RYR3: variants seen among roughly 807,000 people sequenced by gnomAD.
RYR3 encodes the protein ryanodine receptor 3.
A neutral mutation model predicts 584.3 loss-of-function variants in RYR3; 207 were observed. The ratio of observed to expected loss-of-function variants is 0.35; its 90% CI spans 0.32 to 0.40. RYR3 has a LOEUF of 0.40. Among genes scored for constraint, RYR3 ranks in the 10% least tolerant of loss-of-function variants. The probability of loss-of-function intolerance (pLI) is 1.00; values close to 1 mark genes in which losing one functional copy is unlikely to be tolerated. For missense variants in RYR3, 5,616 were observed against 6,089.2 expected (o/e 0.92, Z 2.59); for synonymous variants, 2,416 against 2,248.5 (o/e 1.07, Z -2.11).
chr15:33,438,674 G>T (rs911036239), intron 1 of RYR3, among the ~76,000 whole-genome samples: 4 of 152,022 alleles, frequency 2.6e-5, no homozygotes, highest in Non-Finnish European at 5.9e-5. Flanking sequence ...TGAGGATAAC[G>T]GACATATTCA....
At chr15:33,524,521 A>G (rs1434792161) in intron 3 of RYR3, among the ~76,000 whole-genome samples, 1 of 152,092 alleles carries the variant, frequency 6.6e-6, no homozygotes, top group Non-Finnish European at 1.5e-5. Context: ...CTTGTCTTGA[A>G]TTGCTCCCAG....
intron 38 of RYR3, among the ~76,000 whole-genome samples, chr15:33,691,490 TG>T (rs1211544963): frequency 1.3e-5 from 2 of 152,342 alleles, no homozygotes; most frequent in East Asian, 3.9e-4. Flanking sequence ...TACTATCACT[TG>T]AAGTGAAAGG....
At chr15:33,748,421 A>G (rs1172460240) in intron 54 of RYR3, 47 bp from the exon 55 acceptor site, 1 of 1,590,560 alleles carries the variant, frequency 6.3e-7, no homozygotes, top group East Asian at 2.2e-5. Context: ...CCTGATAAGA[A>G]CAAGGAAAAT....
intron 1 of RYR3, among the ~76,000 whole-genome samples, chr15:33,435,762 G>T (rs993006710): frequency 1.3e-5 from 2 of 152,054 alleles, no homozygotes; most frequent in South Asian, 2.1e-4. Context: ...GCAGACCCTC[G>T]CAGTGTTACA....
intron 20 of RYR3, among the ~76,000 whole-genome samples, chr15:33,625,419 G>C (rs1441081978): frequency 6.6e-6 from 1 of 152,168 alleles, no homozygotes; most frequent in Non-Finnish European, 1.5e-5. Context: ...TGAGAATGTT[G>C]ATAGGAAATT....
intron 67 of RYR3, among the ~76,000 whole-genome samples, chr15:33,798,418 AT>A (rs1160290855): frequency 2.0e-5 from 3 of 152,196 alleles, no homozygotes; most frequent in East Asian, 3.9e-4. Context: ...TATTCTCAAC[AT>A]TGCCTTCCAT....
At chr15:33,506,881 A>G (rs1403128089) in intron 3 of RYR3, among the ~76,000 whole-genome samples, 1 of 152,204 alleles carries the variant, frequency 6.6e-6, no homozygotes, top group East Asian at 1.9e-4. Context: ...GAAGAAAAAG[A>G]GGAAAAATAA....
Position 33,860,628 on chromosome 15 carries a change from A to G in RYR3, c.14333A>G (p.Asp4778Gly). 6.3e-7 allele frequency: 1 copy of G among 1,594,358 alleles called. No individual in the cohort carries two copies. The highest frequency in any genetic ancestry group is 8.6e-7 in the Non-Finnish European group (1 of 1,169,378). The change falls in exon 101 of 104, where the codon GAC (aspartate) becomes GGC (glycine). Residue 4778 changes from aspartate to glycine, a missense_variant. Coordinates refer to ENST00000634891, the MANE Select transcript of RYR3 (RefSeq NM_001036.6). ...ATTGATGCTTTCGGAGAGCTAAGAGACCAGCAGGAACAAGTACGAGAAGAT... is the reference window on the plus strand; with the variant it reads ...ATTGATGCTTTCGGAGAGCTAAGAGGCCAGCAGGAACAAGTACGAGAAGAT... ...LIIDAFGELR[D>G]QQEQVREDME...
At chr15:33,359,733 C>T (rs1271249372) in intron 1 of RYR3, among the ~76,000 whole-genome samples, 2 of 152,182 alleles carry the variant, frequency 1.3e-5, no homozygotes, top group East Asian at 3.9e-4. Context: ...ATTCTCCTGC[C>T]TCAGCCTCCG....
chr15:33,476,323 C>G (rs1423256676), intron 2 of RYR3, among the ~76,000 whole-genome samples: 1 of 152,188 alleles, frequency 6.6e-6, no homozygotes, highest in Non-Finnish European at 1.5e-5. Flanking sequence ...GAGGAAATGT[C>G]TTTCCTAACA....
chr15:33,712,414 A>C (rs563108157), intron 43 of RYR3, among the ~76,000 whole-genome samples: 3 of 152,252 alleles, frequency 2.0e-5, no homozygotes, highest in African/African-American at 7.2e-5. Flanking sequence ...AAGATTTTTG[A>C]GGGTAGAGAG....
chr15:33,577,034 A>T (rs1368368874), intron 12 of RYR3, among the ~76,000 whole-genome samples: 2 of 152,200 alleles, frequency 1.3e-5, no homozygotes, highest in African/African-American at 2.4e-5. Context: ...CAAAGAGAAT[A>T]AAATACCTAG....
intron 19 of RYR3, among the ~76,000 whole-genome samples, chr15:33,619,984 TC>T (rs2060638180): frequency 6.6e-6 from 1 of 152,146 alleles, no homozygotes; most frequent in Non-Finnish European, 1.5e-5. Flanking sequence ...CCTTACCACT[TC>T]TGTTGGCTGC....
intron 18 of RYR3, among the ~76,000 whole-genome samples, chr15:33,610,776 C>T (rs1035722528): frequency 1.3e-5 from 2 of 152,138 alleles, no homozygotes; most frequent in Non-Finnish European, 2.9e-5. Context: ...CAACTCTAAA[C>T]ACAAAATTCC....
chr15:33,558,177 A>G (rs547554271), intron 10 of RYR3, among the ~76,000 whole-genome samples: 70 of 152,166 alleles, frequency 4.6e-4, no homozygotes, highest in African/African-American at 1.4e-3. Flanking sequence ...TACACTTGCT[A>G]TGTTGGTGTG....
chr15:33,692,493 T>C (rs2065504454), intron 38 of RYR3, among the ~76,000 whole-genome samples: 1 of 152,184 alleles, frequency 6.6e-6, no homozygotes, highest in Admixed American at 6.5e-5. Flanking sequence ...TGCACCTTGG[T>C]CTCACAATTT....
At chr15:33,514,935 C>T (rs953288538) in intron 3 of RYR3, among the ~76,000 whole-genome samples, 3 of 151,748 alleles carry the variant, frequency 2.0e-5, no homozygotes, top group Non-Finnish European at 2.9e-5. Flanking sequence ...ACCCGGGAGG[C>T]GGAGCTTGCA....
At chr15:33,683,216 G>A (rs924672550) in intron 38 of RYR3, among the ~76,000 whole-genome samples, 20 of 151,778 alleles carry the variant, frequency 1.3e-4, no homozygotes, top group Non-Finnish European at 2.8e-4. Flanking sequence ...GGATGATCTC[G>A]ATCTCCTGAC....
At position 33,512,457 on chromosome 15, in the gene RYR3, G is replaced by A. The variant is rs555470310; in HGVS notation, c.279+8719G>A. Among the ~76,000 whole-genome samples the A allele has an allele frequency of 2.0e-5, 3 of 152,300 alleles. No individual in the cohort carries two copies. In the South Asian group the frequency reaches 6.2e-4, roughly 32 times the overall value. On this transcript the variant is annotated intron_variant, in intron 3 of 103. Transcript: ENST00000634891. The stretch of plus-strand genomic sequence containing the variant: ...AGAGCCCACAGAATAGATTTTTAAA[G>A]CTCCAGACTCTCTCAAATCCCCCCA...
Sources: allele counts gnomAD v4.1 joint callset (sites outside exome capture counted in the v4.1 genomes callset), GRCh38; gene constraint gnomAD v4.1.1; transcripts MANE v1.5; gene names NCBI Gene and HGNC (gene_info 2026-07-23, HGNC 2026-07-21).